STXBP5: variants seen among roughly 807,000 people sequenced by gnomAD.
STXBP5 encodes syntaxin binding protein 5.
Under a neutral mutation model 152.4 loss-of-function variants are expected in STXBP5, and 50 were observed. That is an observed-to-expected ratio of 0.33 (90% CI 0.26 to 0.42). STXBP5 has a LOEUF of 0.42. Ranked by LOEUF, STXBP5 falls within the 10% of genes least tolerant of loss-of-function variation. The pLI, the probability that STXBP5 is intolerant of heterozygous loss-of-function variation, is 1.00. For synonymous variants in STXBP5, 492 were observed against 494.7 expected (o/e 0.99, Z 0.07); for missense variants, 1,167 against 1,388.6 (o/e 0.84, Z 2.54).
At chr6:147,229,388 G>A (rs555745194) in intron 2 of STXBP5, among the ~76,000 whole-genome samples, 1 of 151,444 alleles carries the variant, frequency 6.6e-6, no homozygotes. Flanking sequence ...TACATATAAT[G>A]ATATGTAAGT....
At chr6:147,330,300 A>G (rs1319199893) in intron 18 of STXBP5, among the ~76,000 whole-genome samples, 3 of 152,158 alleles carry the variant, frequency 2.0e-5, no homozygotes, top group Admixed American at 6.5e-5. Flanking sequence ...TATATTAAAT[A>G]TACTAATGAT....
intron 21 of STXBP5, among the ~76,000 whole-genome samples, chr6:147,344,476 G>T (rs1784229264): frequency 1.3e-5 from 2 of 152,194 alleles, no homozygotes; most frequent in African/African-American, 4.8e-5. Context: ...CACAGACTGG[G>T]AGGCTTAAAC....
At chr6:147,363,810 C>T (rs1308535559) in intron 24 of STXBP5, 106 bp downstream of exon 24, 5 of 1,462,552 alleles carry the variant, frequency 3.4e-6, no homozygotes, top group Admixed American at 4.7e-5. Context: ...TAGTCTTATA[C>T]TCTGAGAATT....
Position 147,216,780 on chromosome 6 carries a change from C to T in STXBP5, c.248+10712C>T, listed in dbSNP as rs1777191307. On this transcript the variant is annotated intron_variant, in intron 2 of 27. Transcript: ENST00000321680. The stretch of plus-strand genomic sequence containing the variant: ...TATGATTTTAACGTGAGCATTCACC[C>T]AGAAAGGTTTTTAAATAAAAAATAG... Among the ~76,000 whole-genome samples the T allele has an allele frequency of 1.3e-5, 2 of 151,916 alleles. 1 individual carries two copies. Among genetic ancestry groups the T allele is most frequent in the South Asian group, 4.2e-4 (2 of 4,806 alleles).
At chr6:147,250,969 CAAAAAAAAAAA>C (rs887963991) in intron 4 of STXBP5, among the ~76,000 whole-genome samples, 1 of 52,946 alleles carries the variant, frequency 1.9e-5, no homozygotes, top group African/African-American at 7.4e-5. Flanking sequence ...ACCTTGTCTC[CAAAAAAAAAAA>C]AAAAAAAAAA....
intron 2 of STXBP5, among the ~76,000 whole-genome samples, chr6:147,229,967 C>T (rs1015125069): frequency 2.0e-5 from 3 of 151,878 alleles, no homozygotes; most frequent in African/African-American, 7.3e-5. Context: ...TCCTTCACCA[C>T]TGGGAAGGAT....
chr6:147,234,266 T>C (rs1314755451), intron 2 of STXBP5, among the ~76,000 whole-genome samples: 4 of 151,902 alleles, frequency 2.6e-5, no homozygotes, highest in Admixed American at 1.3e-4. Context: ...GAGATTAGTT[T>C]AGCAGCCAGT....
At chr6:147,224,666 A>C (rs1306541703) in intron 2 of STXBP5, among the ~76,000 whole-genome samples, 1 of 152,150 alleles carries the variant, frequency 6.6e-6, no homozygotes, top group African/African-American at 2.4e-5. Flanking sequence ...TAGTAGGATA[A>C]ATGTATCATG....
chr6:147,226,571 T>C (rs1007295753), intron 2 of STXBP5, among the ~76,000 whole-genome samples: 1 of 152,188 alleles, frequency 6.6e-6, no homozygotes, highest in Non-Finnish European at 1.5e-5. Context: ...GAATTCAGTA[T>C]GACTGTATAA....
rs116704013 is a variant in STXBP5, at chr6:147,242,171, T to A, written c.431+2901T>A. ...AATGTGTGTGACTGTGTCTTAGTTT[T>A]AAAAAAAAAAAAAAAGTTTAAAAAG... On this transcript the variant is annotated intron_variant, in intron 4 of 27. Coordinates refer to ENST00000321680, the MANE Select transcript of STXBP5 (RefSeq NM_001127715.4). 9.8e-3 allele frequency among the ~76,000 whole-genome samples: 1,307 copies of A among 133,746 alleles called. 14 individuals are homozygous for A. The highest frequency in any genetic ancestry group is 0.033 in the African/African-American group (1,191 of 36,234). 87.7% of individuals were successfully genotyped at this position (133,746 alleles called of 152,430 possible).
chr6:147,212,003 A>G (rs1254068002), intron 2 of STXBP5, among the ~76,000 whole-genome samples: 1 of 152,240 alleles, frequency 6.6e-6, no homozygotes, highest in Non-Finnish European at 1.5e-5. Flanking sequence ...TACTCAGCTC[A>G]TATCTCAACT....
chr6:147,320,768 A>T (rs1782897073), intron 16 of STXBP5, among the ~76,000 whole-genome samples: 1 of 152,194 alleles, frequency 6.6e-6, no homozygotes, highest in Admixed American at 6.5e-5. Flanking sequence ...CTAGAAATAT[A>T]AACAAATCAT....
chr6:147,335,916 TGA>T (rs1783804228), intron 19 of STXBP5, among the ~76,000 whole-genome samples: 1 of 152,240 alleles, frequency 6.6e-6, no homozygotes, highest in African/African-American at 2.4e-5. Flanking sequence ...TTGGTCCATG[TGA>T]AAAGGAAAGT....
chr6:147,296,063 C>G (rs1253065966), intron 9 of STXBP5, among the ~76,000 whole-genome samples: 3 of 149,840 alleles, frequency 2.0e-5, no homozygotes, highest in Non-Finnish European at 3.0e-5. Context: ...TGCTACCCCC[C>G]AAAAAAAAAC....
At chr6:147,370,906 C>T (rs1785508546) in intron 25 of STXBP5, among the ~76,000 whole-genome samples, 1 of 151,908 alleles carries the variant, frequency 6.6e-6, no homozygotes, top group South Asian at 2.1e-4. Context: ...TTATTTGATG[C>T]ACTGTAAAGG....
intron 6 of STXBP5, among the ~76,000 whole-genome samples, 158 bp downstream of exon 6, chr6:147,262,511 A>G (rs1779691453): frequency 6.6e-6 from 1 of 152,056 alleles, no homozygotes; most frequent in Non-Finnish European, 1.5e-5. Flanking sequence ...TTAAGAACAA[A>G]TGAAAGAATT....
chr6:147,279,793 T>TG (rs1780615322), intron 8 of STXBP5, among the ~76,000 whole-genome samples: 1 of 152,164 alleles, frequency 6.6e-6, no homozygotes, highest in Non-Finnish European at 1.5e-5. Flanking sequence ...CCATGAATCT[T>TG]AGAATCTCCT....
chr6:147,274,517 A>G lies in STXBP5; in HGVS notation c.715-3564A>G, dbSNP rs191014120. 3.3e-3 allele frequency among the ~76,000 whole-genome samples: 508 copies of G among 152,304 alleles called. 2 individuals carry two copies. The highest frequency in any genetic ancestry group is 6.0e-3 in the Non-Finnish European group (410 of 68,010). On this transcript the variant is annotated intron_variant, in intron 7 of 27. Transcript: ENST00000321680. ...ATAGTATTATGGTTGTCTCCCTTCT[A>G]TGGTGTAACTATATTGAAAAGTTCA...
chr6:147,235,413 C>A, intron 3 of STXBP5, 82 bp downstream of exon 3: 2 of 1,088,390 alleles, frequency 1.8e-6, no homozygotes, highest in Non-Finnish European at 1.4e-6. Context: ...CATGCATTCA[C>A]AATTTATTTA....
Sources: gnomAD v4.1 joint callset for allele counts (sites outside exome capture counted in the v4.1 genomes callset) on GRCh38, gnomAD v4.1.1 for gene constraint, MANE v1.5 for transcripts, NCBI Gene and HGNC (gene_info 2026-07-23, HGNC 2026-07-21) for gene names.